The following ERP44 variants were observed in gnomAD, a reference collection of about 807,000 sequenced individuals.
ERP44 encodes endoplasmic reticulum resident protein 44.
Under a neutral mutation model 53.4 loss-of-function variants are expected in ERP44, and 25 were observed. The ratio of observed to expected loss-of-function variants is 0.47; its 90% confidence interval spans 0.34 to 0.65. ERP44 has a LOEUF of 0.65. Among genes scored for constraint, ERP44 ranks in the 30% least tolerant of loss-of-function variants. ERP44 has a pLI of 0.01. For synonymous variants in ERP44, 145 were observed against 161.2 expected, an observed-to-expected ratio of 0.90 and a Z score of 0.76; for missense variants, 338 against 493.2, an observed-to-expected ratio of 0.69 and a Z score of 2.98.
intron 10 of ERP44, chr9:99,998,781 G>A (rs1830343651): frequency 2.3e-6 from 2 of 855,460 alleles, no homozygotes; most frequent in Admixed American, 2.3e-5. Flanking sequence ...CTCCTCCTCC[G>A]TTCTTCTCGC....
intron 1 of ERP44, among the ~76,000 whole-genome samples, chr9:100,098,358 A>T (rs539850762): frequency 6.6e-6 from 1 of 152,310 alleles, no homozygotes; most frequent in African/African-American, 2.4e-5. Flanking sequence ...CGCTTCAGGG[A>T]TCTAGACCCA....
chr9:99,999,185 C>G, intron 10 of ERP44: 1 of 507,400 alleles, frequency 2.0e-6, no homozygotes, highest in Non-Finnish European at 3.5e-6. Context: ...CCCCGCCCCT[C>G]CCCCTCCGCT....
At chr9:100,085,454 C>G (rs550495269) in intron 1 of ERP44, among the ~76,000 whole-genome samples, 1 of 152,322 alleles carries the variant, frequency 6.6e-6, no homozygotes, top group South Asian at 2.1e-4. Flanking sequence ...AGGGCCAAAA[C>G]TTACTAAAAG....
intron 1 of ERP44, among the ~76,000 whole-genome samples, chr9:100,067,394 T>C (rs1415035397): frequency 6.6e-6 from 1 of 152,240 alleles, no homozygotes; most frequent in Non-Finnish European, 1.5e-5. Flanking sequence ...GGTTTCGCTG[T>C]GTTGGCCGGG....
intron 1 of ERP44, among the ~76,000 whole-genome samples, chr9:100,077,874 A>G (rs1258361962): frequency 1.3e-5 from 2 of 152,172 alleles, no homozygotes; most frequent in African/African-American, 4.8e-5. Flanking sequence ...ATGCCTTGTG[A>G]TTAACCACAA....
At chr9:100,058,790 A>G (rs765809600) in intron 2 of ERP44, among the ~76,000 whole-genome samples, 76 of 152,252 alleles carry the variant, frequency 5.0e-4, no homozygotes, top group Non-Finnish European at 9.7e-4. Context: ...ACTCATGAAA[A>G]TAAAACACAA....
intron 4 of ERP44, 66 bp downstream of exon 4, chr9:100,052,351 A>T: frequency 1.4e-6 from 1 of 715,836 alleles, no homozygotes; most frequent in East Asian, 3.0e-5. Context: ...GAAAAGAAAA[A>T]ATGTGTATGT....
intron 11 of ERP44, among the ~76,000 whole-genome samples, chr9:99,983,670 T>C (rs1210139180): frequency 6.6e-6 from 1 of 151,728 alleles, no homozygotes; most frequent in Non-Finnish European, 1.5e-5. Flanking sequence ...GTAGTTGACA[T>C]AGGCACACAG....
intron 3 of ERP44, among the ~76,000 whole-genome samples, chr9:100,056,906 C>T (rs1446991979): frequency 6.6e-6 from 1 of 152,030 alleles, no homozygotes; most frequent in Non-Finnish European, 1.5e-5. Flanking sequence ...TAAACTTTAA[C>T]CCAAAGGTAA....
intron 4 of ERP44, among the ~76,000 whole-genome samples, chr9:100,030,775 C>T (rs1825778077): frequency 6.6e-6 from 1 of 152,120 alleles, no homozygotes; most frequent in Admixed American, 6.5e-5. Flanking sequence ...GTTGGAAAAC[C>T]CCTTTGCAAC....
chr9:100,098,988 C>T lies in ERP44; in HGVS notation c.-148G>A. On this transcript the variant is annotated 5_prime_UTR_variant, in exon 1 of 12. Transcript: ENST00000262455. ...CACCTCGTCCTCTCGACCCGGGCTC[C>T]AGCGGCGAACACCCGGGACAACTTC... is the stretch of plus-strand genomic sequence containing the variant. 6.4e-6 allele frequency: 4 copies of T among 628,648 alleles called. No individual in the cohort carries two copies. The allele number at this position is 628,648 out of a possible 1,614,324, so 38.9% of individuals were successfully genotyped here.
intron 3 of ERP44, 47 bp downstream of exon 3, chr9:100,057,773 T>C (rs759316673): frequency 6.9e-7 from 1 of 1,453,162 alleles, no homozygotes; most frequent in South Asian, 1.2e-5. Context: ...AAAATTAACC[T>C]TTAGCAAGTA....
At chr9:99,999,380 G>A (rs1349496962) in intron 10 of ERP44, among the ~76,000 whole-genome samples, 1 of 152,118 alleles carries the variant, frequency 6.6e-6, no homozygotes. Context: ...AGATTGTGAA[G>A]ATTTTCTCCC....
intron 10 of ERP44, among the ~76,000 whole-genome samples, chr9:99,997,008 T>TAC (rs1280950865): frequency 2.0e-5 from 3 of 150,982 alleles, no homozygotes; most frequent in Non-Finnish European, 4.4e-5. Flanking sequence ...TATATATATA[T>TAC]ATGCACATAT....
chr9:99,985,947 T>C (rs898054034), intron 10 of ERP44, among the ~76,000 whole-genome samples: 1 of 152,196 alleles, frequency 6.6e-6, no homozygotes, highest in Non-Finnish European at 1.5e-5. Flanking sequence ...TTCAGGATAT[T>C]CTGAGGATAA....
chr9:100,071,187 T>C (rs1198496924), intron 1 of ERP44, among the ~76,000 whole-genome samples: 2 of 148,652 alleles, frequency 1.3e-5, no homozygotes, highest in African/African-American at 5.0e-5. Context: ...CTCCACCTCC[T>C]GGGCTCTAGC....
intron 1 of ERP44, among the ~76,000 whole-genome samples, chr9:100,097,723 T>C (rs916317399): frequency 2.0e-5 from 3 of 152,210 alleles, no homozygotes; most frequent in African/African-American, 7.2e-5. Context: ...AAGAAAGAAC[T>C]ATTTCAAACA....
At chr9:99,998,749 C>T in intron 10 of ERP44, 1 of 748,432 alleles carries the variant, frequency 1.3e-6, no homozygotes, top group Non-Finnish European at 2.3e-6. Flanking sequence ...TTTTCCTCTT[C>T]CCGCAAACGT....
chr9:100,018,798 G>T (rs1223047620), intron 6 of ERP44, among the ~76,000 whole-genome samples: 1 of 152,064 alleles, frequency 6.6e-6, no homozygotes, highest in South Asian at 2.1e-4. Flanking sequence ...TCAATTTTTA[G>T]ATTAATTGAA....
Sources: gnomAD v4.1 joint callset for allele counts (sites outside exome capture counted in the v4.1 genomes callset) on GRCh38, gnomAD v4.1.1 for gene constraint, MANE v1.5 for transcripts, NCBI Gene and HGNC (gene_info 2026-07-23, HGNC 2026-07-21) for gene names.